C6orf62: variants seen among roughly 807,000 people sequenced by gnomAD.
C6orf62 encodes the protein uncharacterized protein C6orf62.
C6orf62 carries 16 observed loss-of-function variants against 26.8 expected under a neutral mutation model. The observed-to-expected ratio is 0.60, with a 90% CI of 0.40 to 0.91. The LOEUF (loss-of-function observed/expected upper bound fraction) is 0.91, where lower values mean the gene tolerates loss of function less well. C6orf62 is among the 40% of genes least tolerant of loss of function. The pLI is 0.00. For synonymous variants in C6orf62, 112 were observed against 91.5 expected (o/e 1.22, Z -1.28); for missense variants, 192 against 271.4 (o/e 0.71, Z 2.06).
intron 3 of C6orf62, among the ~76,000 whole-genome samples, chr6:24,714,059 A>G (rs553651794): frequency 1.3e-5 from 2 of 152,310 alleles, no homozygotes; most frequent in Admixed American, 6.5e-5. Context: ...CCCCTCTATA[A>G]ATCAGTAAAT....
upstream of C6orf62, chr6:24,720,013 G>GGGGCCCC: frequency 1.4e-6 from 2 of 1,479,396 alleles, no homozygotes; most frequent in Non-Finnish European, 1.8e-6. Flanking sequence ...TCTAAAGTAA[G>GGGGCCCC]CCCACCCACC....
At chr6:24,714,170 C>T (rs1779178066) in intron 3 of C6orf62, 148 bp downstream of exon 3, 3 of 560,942 alleles carry the variant, frequency 5.3e-6, no homozygotes, top group Non-Finnish European at 5.9e-6. Context: ...ACGCTTTCTT[C>T]TCTTGCATCA....
chr6:24,719,170 A>C (rs951083106), upstream of C6orf62: 3 of 986,554 alleles, frequency 3.0e-6, no homozygotes, highest in Non-Finnish European at 3.6e-6. Context: ...AAAAAAAAAA[A>C]AAAAACTCAC....
At chr6:24,709,084 G>A in intron 3 of C6orf62, 173 bp from the exon 4 acceptor site, 1 of 985,168 alleles carries the variant, frequency 1.0e-6, no homozygotes, top group Non-Finnish European at 1.2e-6. Flanking sequence ...GCAAAATTTA[G>A]ATTAAAAGCA....
chr6:24,719,760 C>T, upstream of C6orf62: 1 of 1,542,626 alleles, frequency 6.5e-7, no homozygotes, highest in Non-Finnish European at 8.7e-7. Flanking sequence ...GCAAAGGTGG[C>T]GGGTTCTTCT....
Position 24,717,330 on chromosome 6 carries a change from T to C in C6orf62, c.130-1006A>G, listed in dbSNP as rs564592102. ...TACACTGTATCATCTTCAACTAAAA[T>C]CCAATCTCATCAATTTTGAGTCAGC... is the stretch of plus-strand genomic sequence containing the variant. On this transcript the variant is annotated intron_variant, in intron 1 of 4. Coordinates refer to ENST00000378119, the MANE Select transcript of C6orf62 (RefSeq NM_030939.5). Among the ~76,000 whole-genome samples the C allele has an allele frequency of 2.0e-5, 3 of 152,344 alleles. No homozygotes were observed. In the East Asian group the frequency reaches 5.8e-4, roughly 29 times the overall value.
chr6:24,718,593 G>C lies in C6orf62; in HGVS notation c.76C>G (p.Leu26Val). The C allele has an allele frequency of 1.2e-6, 2 of 1,614,024 alleles. No individual in the cohort carries two copies. The highest frequency in any genetic ancestry group is 1.7e-6 in the Non-Finnish European group (2 of 1,179,944). ...RAQLRKKKES[L>V]ADQFDFKMYI... ...ATCTTGAAGTCAAACTGGTCAGCTA[G>C]AGATTCTTTTTTCTTTCTAAGCTGA... Residue 26 changes from leucine (L) to valine (V), a missense_variant, in exon 1 of 5, where the codon CTA becomes GTA. Transcript: ENST00000378119.
chr6:24,718,122 C>T lies in C6orf62; in HGVS notation c.129+418G>A, dbSNP rs572618809. Among the ~76,000 whole-genome samples the T allele has an allele frequency of 5.9e-5, 9 of 152,332 alleles. 1 individual carries two copies. The East Asian group carries it at 1.7e-3, about 29-fold the overall frequency. ...GTAAGAGAAAAGGTTACCTACATTA[C>T]GCAGTTTAAGAAACAGGATAAACTT... On this transcript the variant is annotated intron_variant, in intron 1 of 4. Coordinates refer to ENST00000378119, the MANE Select transcript of C6orf62 (RefSeq NM_030939.5).
In C6orf62 at chr6:24,708,717, G is replaced by A. The variant is rs550655525; in HGVS notation, c.564+60C>T. On this transcript the variant is annotated intron_variant, in intron 4 of 4. Coordinates refer to ENST00000378119, the MANE Select transcript of C6orf62 (RefSeq NM_030939.5). ...CAATTAAGTAACTTGTATATAAAACGTTTACTAACCAATAAGTTTTTGAAT... is the reference window on the plus strand; with the variant it reads ...CAATTAAGTAACTTGTATATAAAACATTTACTAACCAATAAGTTTTTGAAT... 1.6e-5 allele frequency: 26 copies of A among 1,599,982 alleles called. No homozygotes were observed. The African/African-American group carries it at 2.3e-4, about 14-fold the overall frequency.
chr6:24,718,224 T>C (rs1260446539), intron 1 of C6orf62, among the ~76,000 whole-genome samples: 1 of 152,238 alleles, frequency 6.6e-6, no homozygotes, highest in Non-Finnish European at 1.5e-5. Flanking sequence ...AATCTTTAAA[T>C]TCCATCATAA....
chr6:24,718,684 G>A lies in C6orf62; in HGVS notation c.-16C>T. 2 of 1,612,854 alleles carry A rather than the reference G, an allele frequency of 1.2e-6. No individual in the cohort carries two copies. Among genetic ancestry groups the A allele is most frequent in the South Asian group, 1.1e-5 (1 of 90,782 alleles). On this transcript the variant is annotated 5_prime_UTR_variant, in exon 1 of 5. Coordinates refer to ENST00000378119, the MANE Select transcript of C6orf62 (RefSeq NM_030939.5). ...GGTCCCCCATTTTGAAATACAGGTG[G>A]TACTAAAGCCTTTGGAAATTGTCAC...
intron 3 of C6orf62, chr6:24,709,334 A>C: frequency 2.0e-6 from 2 of 984,642 alleles, no homozygotes; most frequent in Non-Finnish European, 2.4e-6. Context: ...TCAGTCCAAG[A>C]CTCCCACCAT....
intron 3 of C6orf62, chr6:24,709,124 G>C (rs1341304355): frequency 1.0e-6 from 1 of 972,164 alleles, no homozygotes; most frequent in African/African-American, 1.8e-5. Context: ...AGTAGCACTA[G>C]CCACATTTCA....
intron 4 of C6orf62, among the ~76,000 whole-genome samples, chr6:24,707,396 T>C (rs1242143968): frequency 1.3e-5 from 2 of 151,360 alleles, no homozygotes; most frequent in East Asian, 3.9e-4. Flanking sequence ...TCTCGCTGCA[T>C]TACTCAGGCA....
chr6:24,720,497 C>G (rs1210818955), upstream of C6orf62: 1 of 613,770 alleles, frequency 1.6e-6, no homozygotes, highest in East Asian at 7.7e-5. Context: ...ACAGCGGCAA[C>G]AGGGAGAGAA....
chr6:24,716,725 TTTC>T (rs1207186721), intron 1 of C6orf62, among the ~76,000 whole-genome samples: 3 of 152,208 alleles, frequency 2.0e-5, no homozygotes, highest in South Asian at 4.2e-4. Flanking sequence ...ATTTCTGGTT[TTTC>T]TTTTTTTTTT....
chr6:24,720,094 G>C (rs1021237867), upstream of C6orf62: 4 of 1,306,788 alleles, frequency 3.1e-6, no homozygotes, highest in African/African-American at 6.4e-5. Context: ...CCAGAGTTTG[G>C]ATTGTTTAGG....
Position 24,716,740 on chromosome 6 carries a change from T to G in C6orf62, c.130-416A>C, listed in dbSNP as rs376398896. Among the ~76,000 whole-genome samples the G allele has an allele frequency of 7.9e-5, 12 of 152,180 alleles. 1 individual carries two copies. In the South Asian group the frequency reaches 2.5e-3, roughly 32 times the overall value. On this transcript the variant is annotated intron_variant, in intron 1 of 4. Transcript: ENST00000378119. Reference sequence around the variant, plus strand: ...ATTTCTGGTTTTTCTTTTTTTTTTTTGAGATGGAGTCTCACTGTGTTGCCC... The same window carrying G: ...ATTTCTGGTTTTTCTTTTTTTTTTTGGAGATGGAGTCTCACTGTGTTGCCC...
chr6:24,720,398 G>A (rs1779332607), upstream of C6orf62: 2 of 1,159,904 alleles, frequency 1.7e-6, no homozygotes, highest in Non-Finnish European at 2.1e-6. Context: ...TGACTGGACC[G>A]CCCGCGCTGC....
Sources: allele counts gnomAD v4.1 joint callset (sites outside exome capture counted in the v4.1 genomes callset), GRCh38; gene constraint gnomAD v4.1.1; transcripts MANE v1.5; gene names NCBI Gene and HGNC (gene_info 2026-07-23, HGNC 2026-07-21).